Variants in CMKLR1 observed in about 807,000 individuals in gnomAD.
CMKLR1 encodes chemerin-like receptor 1.
Under a neutral mutation model 8.2 loss-of-function variants are expected in CMKLR1, and 6 were observed. The ratio of observed to expected loss-of-function variants is 0.73; its 90% CI spans 0.40 to 1.44. The LOEUF (loss-of-function observed/expected upper bound fraction) is 1.44. Ranked by LOEUF, CMKLR1 falls within the 40% of genes most tolerant of loss-of-function variation. The probability of loss-of-function intolerance (pLI) is 0.02; values close to 1 mark genes in which losing one functional copy is unlikely to be tolerated. For synonymous variants in CMKLR1, 178 were observed against 181.2 expected (o/e 0.98, Z 0.14); for missense variants, 429 against 478.0 (o/e 0.90, Z 0.96).
chr12:108,299,484 A>G (rs572758951), intron 2 of CMKLR1, among the ~76,000 whole-genome samples: 1 of 152,282 alleles, frequency 6.6e-6, no homozygotes, highest in South Asian at 2.1e-4. Context: ...AAGTGGAAGG[A>G]TGCCCTCTGC....
chr12:108,337,615 T>C (rs1892258010), intron 1 of CMKLR1, among the ~76,000 whole-genome samples: 1 of 151,980 alleles, frequency 6.6e-6, no homozygotes, highest in African/African-American at 2.4e-5. Context: ...CCTGACCCAG[T>C]GCGGGTAGGG....
intron 1 of CMKLR1, among the ~76,000 whole-genome samples, chr12:108,333,100 C>T (rs192019971): frequency 3.5e-4 from 53 of 152,294 alleles, no homozygotes; most frequent in African/African-American, 1.3e-3. Flanking sequence ...TTTCTCTGAC[C>T]CCTGATTTCC....
intron 2 of CMKLR1, among the ~76,000 whole-genome samples, chr12:108,311,856 G>A (rs955919709): frequency 6.6e-6 from 1 of 152,182 alleles, no homozygotes. Flanking sequence ...CTGCTGGGGG[G>A]ACCTCAGAGG....
At chr12:108,317,525 A>AG (rs1891763557) in intron 2 of CMKLR1, among the ~76,000 whole-genome samples, 2 of 152,318 alleles carry the variant, frequency 1.3e-5, no homozygotes, top group South Asian at 4.1e-4. Context: ...AGTGGGCCAA[A>AG]GGTGGCCTCA....
At chr12:108,304,555 A>T (rs1365982194) in intron 2 of CMKLR1, among the ~76,000 whole-genome samples, 1 of 151,306 alleles carries the variant, frequency 6.6e-6, no homozygotes, top group African/African-American at 2.4e-5. Context: ...TCTGTCTCAT[A>T]TCTGACTTGT....
At chr12:108,316,224 G>A (rs1157295833) in intron 2 of CMKLR1, among the ~76,000 whole-genome samples, 1 of 152,228 alleles carries the variant, frequency 6.6e-6, no homozygotes, top group Non-Finnish European at 1.5e-5. Context: ...CTGAGATGCT[G>A]GCCCTGCCCC....
intron 2 of CMKLR1, among the ~76,000 whole-genome samples, chr12:108,326,975 T>C (rs1000640399): frequency 1.3e-5 from 2 of 151,980 alleles, no homozygotes; most frequent in African/African-American, 4.8e-5. Context: ...TCAACTCTAA[T>C]TTATAAGTGA....
In CMKLR1 at chr12:108,291,880, C is replaced by T; in HGVS notation, c.1083G>A (p.Glu361=). The part of the protein sequence containing the change: ...RSFTKMSSMN[E]RTSMNERETG... Reference sequence around the variant, plus strand: ...TCTCCCTCTCATTCATAGAAGTCCTCTCATTCATTGATGACATCTTGGTAA... The same window carrying T: ...TCTCCCTCTCATTCATAGAAGTCCTTTCATTCATTGATGACATCTTGGTAA... Residue 361 remains glutamate (E), a synonymous_variant, in exon 4 of 4, where the codon GAG becomes GAA. Coordinates refer to ENST00000550402, the MANE Select transcript of CMKLR1 (RefSeq NM_001142343.2). 2 of 1,613,950 alleles carry T rather than the reference C, an allele frequency of 1.2e-6. No individual in the cohort carries two copies. Among genetic ancestry groups the T allele is most frequent in the East Asian group, 2.2e-5 (1 of 44,898 alleles).
Position 108,292,251 on chromosome 12 carries a change from C to T in CMKLR1, c.712G>A (p.Ala238Thr), listed in dbSNP as rs767660173. 1 of 1,614,076 alleles carries T rather than the reference C, an allele frequency of 6.2e-7. No homozygotes were observed. Among genetic ancestry groups the T allele is most frequent in the Admixed American group, 1.7e-5 (1 of 60,016 alleles). ...GFLVPVLIIT[A>T]CYLTIVCKLQ... ...TTGCACACGATGGTGAGGTAGCAAG[C>T]TGTGATGATGAGGACTGGGACCAGG... The change falls in exon 4 of 4, where the codon GCT becomes ACT. Residue 238 changes from alanine (A) to threonine (T), a missense_variant. Coordinates refer to ENST00000550402, the MANE Select transcript of CMKLR1 (RefSeq NM_001142343.2).
intron 3 of CMKLR1, 72 bp downstream of exon 3, chr12:108,293,517 G>A: frequency 6.6e-7 from 1 of 1,509,344 alleles, no homozygotes. Flanking sequence ...GCCTTGTTGT[G>A]ATCCCCCTGT....
intron 1 of CMKLR1, among the ~76,000 whole-genome samples, chr12:108,337,577 A>G (rs1892257030): frequency 6.6e-6 from 1 of 152,150 alleles, no homozygotes; most frequent in Non-Finnish European, 1.5e-5. Flanking sequence ...AGGGAGGGAT[A>G]GGCCCTGGGA....
At chr12:108,314,931 C>T (rs1246754059) in intron 2 of CMKLR1, among the ~76,000 whole-genome samples, 6 of 128,840 alleles carry the variant, frequency 4.7e-5, no homozygotes, top group African/African-American at 1.1e-4. Flanking sequence ...CGAACACAGC[C>T]TTGTTTTTTT....
intron 2 of CMKLR1, among the ~76,000 whole-genome samples, chr12:108,307,622 A>G (rs1191849864): frequency 1.3e-5 from 2 of 152,182 alleles, no homozygotes; most frequent in African/African-American, 4.8e-5. Context: ...TGAGCTGGAT[A>G]AGGAAGCCAT....
At chr12:108,330,783 G>T (rs1892086332) in intron 1 of CMKLR1, among the ~76,000 whole-genome samples, 1 of 152,192 alleles carries the variant, frequency 6.6e-6, no homozygotes, top group Non-Finnish European at 1.5e-5. Context: ...GGAGCAGAAG[G>T]AGGTAGACAT....
chr12:108,301,400 T>C (rs1566020397), intron 2 of CMKLR1, among the ~76,000 whole-genome samples: 1 of 152,070 alleles, frequency 6.6e-6, no homozygotes, highest in Non-Finnish European at 1.5e-5. Flanking sequence ...TTTCTATCAG[T>C]ACCTGGTTCT....
chr12:108,305,817 C>T (rs1330914417), intron 2 of CMKLR1, among the ~76,000 whole-genome samples: 1 of 152,152 alleles, frequency 6.6e-6, no homozygotes, highest in Non-Finnish European at 1.5e-5. Flanking sequence ...AACAGACTGT[C>T]CCATTTTCTT....
intron 2 of CMKLR1, among the ~76,000 whole-genome samples, chr12:108,295,754 C>T (rs950155836): frequency 6.6e-6 from 1 of 152,210 alleles, no homozygotes; most frequent in Non-Finnish European, 1.5e-5. Flanking sequence ...GTGTGAGTCC[C>T]GAGAGGAGGT....
In CMKLR1 at chr12:108,292,720, C is replaced by T; in HGVS notation, c.243G>A (p.Leu81=). ...CGTTGAACAGGAAATCTGCCACTGC[C>T]AGGTTGAGGAACCAGACCATGTTCA... is the stretch of plus-strand genomic sequence containing the variant. ...KTVNMVWFLN[L]AVADFLFNVF... Residue 81 remains leucine, a synonymous_variant, in exon 4 of 4, where the codon CTG becomes CTA. Coordinates refer to ENST00000550402, the MANE Select transcript of CMKLR1 (RefSeq NM_001142343.2). The T allele has an allele frequency of 1.9e-6, 3 of 1,614,142 alleles. No individual in the cohort carries two copies. The highest frequency in any genetic ancestry group is 2.5e-6 in the Non-Finnish European group (3 of 1,180,032).
chr12:108,290,512 TAGA>T lies in CMKLR1; in HGVS notation c.*1326_*1328del, dbSNP rs1246002355. The stretch of plus-strand genomic sequence containing the variant: ...ATAATCTCCACAGATAAATTCCAAA[TAGA>T]AGAACAGAGTTTCTGGAGCCAGACG... On this transcript the variant is annotated 3_prime_UTR_variant, in exon 4 of 4. Transcript: ENST00000550402. The T allele has an allele frequency of 3.9e-5, 6 of 152,198 alleles. No individual in the cohort carries two copies. The highest frequency in any genetic ancestry group is 1.2e-4 in the African/African-American group (5 of 41,464). 9.4% of individuals were successfully genotyped at this position (152,198 alleles called of 1,614,324 possible).
Sources: allele counts gnomAD v4.1 joint callset (sites outside exome capture counted in the v4.1 genomes callset), GRCh38; gene constraint gnomAD v4.1.1; transcripts MANE v1.5; gene names NCBI Gene and HGNC (gene_info 2026-07-23, HGNC 2026-07-21).